CSMD1: variants seen among roughly 807,000 people sequenced by gnomAD.
The protein encoded by CSMD1 is CUB and sushi domain-containing protein 1.
In CSMD1, 213 loss-of-function variants were observed where a neutral mutation model predicts 417.5. The ratio of observed to expected loss-of-function variants is 0.51; its 90% CI spans 0.46 to 0.57. CSMD1 has a LOEUF of 0.57. Ranked by LOEUF, CSMD1 falls within the 20% of genes least tolerant of loss-of-function variation. The pLI is 0.00. For synonymous variants in CSMD1, 2,862 were observed against 1,736.8 expected (o/e 1.65, Z -16.11); for missense variants, 6,923 against 4,529.7 (o/e 1.53, Z -15.17).
intron 11 of CSMD1, among the ~76,000 whole-genome samples, chr8:3,469,362 A>T (rs1360195047): frequency 6.6e-6 from 1 of 152,224 alleles, no homozygotes; most frequent in Non-Finnish European, 1.5e-5. Flanking sequence ...GTAATTATAC[A>T]TTAAGAGAAT....
intron 7 of CSMD1, among the ~76,000 whole-genome samples, chr8:3,684,993 A>G (rs1011862923): frequency 1.3e-5 from 2 of 152,276 alleles, no homozygotes; most frequent in African/African-American, 4.8e-5. Flanking sequence ...ACGGGAATCA[A>G]TATTTTTGGA....
At chr8:2,950,387 G>A in intron 66 of CSMD1, 44 bp from the exon 67 acceptor site, 2 of 1,165,818 alleles carry the variant, frequency 1.7e-6, no homozygotes, top group Non-Finnish European at 2.6e-6. Flanking sequence ...GAGAAAGTTA[G>A]TAATTCAGCC....
In CSMD1 at chr8:3,531,918, G is replaced by C. The variant is rs539184726; in HGVS notation, c.1345-38192C>G. ...AGCACATGCACAGTAAGAAAGAAAT[G>C]AGCAACATGCAGTAGCTTAGGCTGA... is the stretch of plus-strand genomic sequence containing the variant. On this transcript the variant is annotated intron_variant, in intron 10 of 69. Coordinates refer to ENST00000635120, the MANE Select transcript of CSMD1 (RefSeq NM_033225.6). Among the ~76,000 whole-genome samples, 172 of 152,244 alleles carry C rather than the reference G, an allele frequency of 1.1e-3. 1 individual carries two copies. The highest frequency in any genetic ancestry group is 3.8e-3 in the African/African-American group (156 of 41,542).
intron 1 of CSMD1, among the ~76,000 whole-genome samples, chr8:4,831,592 T>G (rs1249329602): frequency 6.6e-6 from 1 of 152,132 alleles, no homozygotes; most frequent in African/African-American, 2.4e-5. Flanking sequence ...TGCCAAGGTT[T>G]GTTGACTCCA....
chr8:3,027,597 A>C (rs1810027891), intron 51 of CSMD1, among the ~76,000 whole-genome samples: 1 of 152,212 alleles, frequency 6.6e-6, no homozygotes, highest in Non-Finnish European at 1.5e-5. Context: ...CAAATAGCAA[A>C]GTGTGATAGA....
At chr8:4,589,420 T>C (rs529419038) in intron 2 of CSMD1, among the ~76,000 whole-genome samples, 17 of 152,272 alleles carry the variant, frequency 1.1e-4, no homozygotes, top group African/African-American at 3.8e-4. Context: ...GAATAGACTA[T>C]TTCTTTTTTA....
chr8:3,665,600 G>C (rs1280854465), intron 7 of CSMD1, among the ~76,000 whole-genome samples: 1 of 152,090 alleles, frequency 6.6e-6, no homozygotes, highest in Non-Finnish European at 1.5e-5. Context: ...TATTAACCAA[G>C]TAATTGACTC....
intron 25 of CSMD1, among the ~76,000 whole-genome samples, chr8:3,294,863 T>A (rs897043733): frequency 3.3e-5 from 5 of 152,160 alleles, no homozygotes; most frequent in African/African-American, 1.2e-4. Context: ...CCCAGTGAGA[T>A]GTACCCGGTA....
At chr8:4,681,826 T>A (rs1420621911) in intron 1 of CSMD1, among the ~76,000 whole-genome samples, 1 of 152,176 alleles carries the variant, frequency 6.6e-6, no homozygotes, top group Admixed American at 6.6e-5. Flanking sequence ...AAACCTCTGA[T>A]AACCTCCATT....
In CSMD1 at chr8:4,791,008, G is replaced by A. The variant is rs6999301; in HGVS notation, c.86-153450C>T. On this transcript the variant is annotated intron_variant, in intron 1 of 69. Coordinates refer to ENST00000635120, the MANE Select transcript of CSMD1 (RefSeq NM_033225.6). Reference sequence around the variant, plus strand: ...GGACCTAATTAGACTAAAAAGTTCTGCACTGCAAAATAAACTATCAGGAGA... The same window carrying A: ...GGACCTAATTAGACTAAAAAGTTCTACACTGCAAAATAAACTATCAGGAGA... 6.1e-3 allele frequency among the ~76,000 whole-genome samples: 924 copies of A among 152,206 alleles called. 14 individuals carry two copies. Among genetic ancestry groups the A allele is most frequent in the African/African-American group, 0.021 (881 of 41,536 alleles).
At chr8:3,833,516 G>A (rs1288654688) in intron 5 of CSMD1, among the ~76,000 whole-genome samples, 1 of 151,856 alleles carries the variant, frequency 6.6e-6, no homozygotes, top group Non-Finnish European at 1.5e-5. Context: ...TTCATATTCA[G>A]AATTTTTTTC....
At chr8:4,725,767 G>A (rs542861788) in intron 1 of CSMD1, among the ~76,000 whole-genome samples, 4 of 152,264 alleles carry the variant, frequency 2.6e-5, no homozygotes, top group Admixed American at 2.6e-4. Flanking sequence ...GGTACCTTGA[G>A]TTACACAGGA....
chr8:3,945,491 C>G (rs1442421453), intron 5 of CSMD1, among the ~76,000 whole-genome samples: 1 of 152,072 alleles, frequency 6.6e-6, no homozygotes, highest in Non-Finnish European at 1.5e-5. Flanking sequence ...CAACTGTGAA[C>G]TTCCCATATT....
At chr8:3,939,270 CATTA>C (rs1180801931) in intron 5 of CSMD1, among the ~76,000 whole-genome samples, 16 of 152,094 alleles carry the variant, frequency 1.1e-4, no homozygotes, top group Non-Finnish European at 2.4e-4. Flanking sequence ...TGCTCAACAT[CATTA>C]ATTATCAGAG....
chr8:4,848,312 A>G (rs902214814), intron 1 of CSMD1, among the ~76,000 whole-genome samples: 6 of 152,200 alleles, frequency 3.9e-5, no homozygotes, highest in African/African-American at 1.4e-4. Flanking sequence ...GAATACAGTC[A>G]TGTGCTGGAT....
chr8:3,120,391 C>A (rs187315866), intron 41 of CSMD1, among the ~76,000 whole-genome samples: 1 of 152,156 alleles, frequency 6.6e-6, no homozygotes, highest in Non-Finnish European at 1.5e-5. Flanking sequence ...GGGCCTACAG[C>A]GTGGCCTTGG....
chr8:4,030,299 C>T lies in CSMD1; in HGVS notation c.610+1606G>A, dbSNP rs141530057. 7.1e-3 allele frequency among the ~76,000 whole-genome samples: 1,081 copies of T among 152,332 alleles called. 5 individuals are homozygous for T. The highest frequency in any genetic ancestry group is 0.01 in the Non-Finnish European group (697 of 68,042). On this transcript the variant is annotated intron_variant, in intron 4 of 69. Transcript: ENST00000635120. ...AAGGTTCTCCATGAGGACCGCCACC[C>T]ATAGCAAACTTCTATCTGGACATCT...
intron 3 of CSMD1, among the ~76,000 whole-genome samples, chr8:4,400,347 A>C (rs906515095): frequency 2.6e-5 from 4 of 152,186 alleles, no homozygotes; most frequent in Admixed American, 2.0e-4. Flanking sequence ...TGTGTTATAA[A>C]TTGTCAAAGC....
At chr8:2,989,381 G>A (rs75386812) in intron 54 of CSMD1, among the ~76,000 whole-genome samples, 5,192 of 152,216 alleles carry the variant, frequency 0.034, 212 homozygotes, top group African/African-American at 0.096. Context: ...TGGAATAATA[G>A]AAAACTAAAG....
Sources: gnomAD v4.1 joint callset for allele counts (sites outside exome capture counted in the v4.1 genomes callset) on GRCh38, gnomAD v4.1.1 for gene constraint, MANE v1.5 for transcripts, NCBI Gene and HGNC (gene_info 2026-07-23, HGNC 2026-07-21) for gene names.